The following NKAIN2 variants were observed in gnomAD, a reference collection of about 807,000 sequenced individuals.
NKAIN2 encodes sodium/potassium transporting ATPase interacting 2.
NKAIN2 carries 14 observed loss-of-function variants against 32.6 expected under a neutral mutation model. The ratio of observed to expected loss-of-function variants is 0.43; its 90% CI spans 0.28 to 0.67. NKAIN2 has a LOEUF of 0.67. Ranked by LOEUF, NKAIN2 falls within the 30% of genes least tolerant of loss-of-function variation. NKAIN2 has a pLI of 0.17. For synonymous variants in NKAIN2, 80 were observed against 87.2 expected (o/e 0.92, Z 0.46); for missense variants, 198 against 258.3 (o/e 0.77, Z 1.60).
chr6:124,081,217 A>G (rs542645536), intron 1 of NKAIN2, among the ~76,000 whole-genome samples: 22 of 152,176 alleles, frequency 1.4e-4, no homozygotes, highest in Admixed American at 1.0e-3. Context: ...GTTAATCCTA[A>G]TTTTAGTTAT....
intron 1 of NKAIN2, among the ~76,000 whole-genome samples, chr6:123,812,389 T>C (rs1201132589): frequency 6.6e-6 from 1 of 152,172 alleles, no homozygotes; most frequent in Admixed American, 6.5e-5. Context: ...TTTAAGAATA[T>C]AGAATATTAT....
At chr6:124,451,897 C>T (rs1006837695) in intron 3 of NKAIN2, among the ~76,000 whole-genome samples, 1 of 151,900 alleles carries the variant, frequency 6.6e-6, no homozygotes, top group African/African-American at 2.4e-5. Flanking sequence ...CTCTTAAAAT[C>T]TCTTCAAACC....
chr6:123,867,598 C>T (rs544872460), intron 1 of NKAIN2, among the ~76,000 whole-genome samples: 1 of 152,322 alleles, frequency 6.6e-6, no homozygotes, highest in Non-Finnish European at 1.5e-5. Context: ...AAAATGTTGG[C>T]TATTGCCAAT....
chr6:124,471,772 A>G (rs1486648474), intron 3 of NKAIN2, among the ~76,000 whole-genome samples: 5 of 151,802 alleles, frequency 3.3e-5, no homozygotes, highest in East Asian at 1.9e-4. Flanking sequence ...ATAAACTCAT[A>G]TGTATGTTTT....
At chr6:123,906,285 T>C (rs1036242745) in intron 1 of NKAIN2, among the ~76,000 whole-genome samples, 1 of 149,028 alleles carries the variant, frequency 6.7e-6, no homozygotes, top group African/African-American at 2.5e-5. Flanking sequence ...TTCTTCTACT[T>C]TTTTTTTTTT....
chr6:124,182,365 C>G (rs1311167068), intron 1 of NKAIN2, among the ~76,000 whole-genome samples: 3 of 152,096 alleles, frequency 2.0e-5, no homozygotes, highest in East Asian at 3.9e-4. Flanking sequence ...TTGATAATTA[C>G]AAATATTTTT....
intron 1 of NKAIN2, among the ~76,000 whole-genome samples, chr6:123,947,876 G>A (rs1777143538): frequency 6.6e-6 from 1 of 151,988 alleles, no homozygotes. Context: ...CTGTGTATGT[G>A]TACCCATTAA....
At chr6:124,205,466 G>T (rs1265239379) in intron 1 of NKAIN2, among the ~76,000 whole-genome samples, 1 of 151,290 alleles carries the variant, frequency 6.6e-6, no homozygotes, top group Non-Finnish European at 1.5e-5. Context: ...TTACTCTACT[G>T]GTACCTGAAC....
chr6:124,639,141 T>C (rs1426015757), intron 3 of NKAIN2, among the ~76,000 whole-genome samples: 1 of 152,060 alleles, frequency 6.6e-6, no homozygotes, highest in African/African-American at 2.4e-5. Context: ...GGAAGTAAAT[T>C]AGTACAGCCA....
intron 1 of NKAIN2, among the ~76,000 whole-genome samples, chr6:124,165,591 GT>G (rs1788492091): frequency 1.3e-5 from 2 of 151,394 alleles, no homozygotes; most frequent in African/African-American, 4.8e-5. Context: ...ATATATACAT[GT>G]GCCATGCTGG....
intron 1 of NKAIN2, among the ~76,000 whole-genome samples, chr6:124,231,959 TC>T (rs1204203372): frequency 2.0e-5 from 3 of 152,164 alleles, no homozygotes; most frequent in Non-Finnish European, 4.4e-5. Flanking sequence ...CCCTGTCTTC[TC>T]TATCTTCTTC....
chr6:124,054,240 T>G (rs1264660915), intron 1 of NKAIN2, among the ~76,000 whole-genome samples: 1 of 151,956 alleles, frequency 6.6e-6, no homozygotes, highest in Non-Finnish European at 1.5e-5. Flanking sequence ...AGAACAAAGG[T>G]GGGAGATCAA....
At chr6:124,360,879 G>T (rs1654311398) in intron 3 of NKAIN2, among the ~76,000 whole-genome samples, 1 of 152,292 alleles carries the variant, frequency 6.6e-6, no homozygotes, top group East Asian at 1.9e-4. Context: ...AACCTGAAGT[G>T]TCTGGTAACG....
intron 2 of NKAIN2, among the ~76,000 whole-genome samples, chr6:124,291,735 G>A (rs1795823447): frequency 6.6e-6 from 1 of 152,022 alleles, no homozygotes; most frequent in Non-Finnish European, 1.5e-5. Flanking sequence ...TGTTCATCTT[G>A]TGGTTCTTCC....
In NKAIN2 at chr6:124,469,959, T is replaced by C. The variant is rs117240249; in HGVS notation, c.273+114612T>C. On this transcript the variant is annotated intron_variant, in intron 3 of 6. Coordinates refer to ENST00000368417, the MANE Select transcript of NKAIN2 (RefSeq NM_001040214.3). ...TTGTGCTTCACTTACTTCACCCTGA[T>C]CCAAGTCCTAATGGTGCAAGGATTA... Among the ~76,000 whole-genome samples, 1,454 of 152,250 alleles carry C rather than the reference T, an allele frequency of 9.6e-3. 14 individuals are homozygous for C. The highest frequency in any genetic ancestry group is 0.011 in the Non-Finnish European group (781 of 68,028).
chr6:124,543,457 A>G (rs923492575), intron 3 of NKAIN2, among the ~76,000 whole-genome samples: 17 of 152,324 alleles, frequency 1.1e-4, no homozygotes, highest in African/African-American at 4.1e-4. Flanking sequence ...ACTTCTAAAC[A>G]AAACACACTG....
At chr6:124,563,363 C>T (rs967391552) in intron 3 of NKAIN2, among the ~76,000 whole-genome samples, 1 of 152,158 alleles carries the variant, frequency 6.6e-6, no homozygotes, top group Admixed American at 6.6e-5. Context: ...TAGCACTAAT[C>T]AAATACTTTC....
intron 1 of NKAIN2, among the ~76,000 whole-genome samples, chr6:123,876,041 C>G (rs932930595): frequency 6.6e-6 from 1 of 151,836 alleles, no homozygotes; most frequent in Non-Finnish European, 1.5e-5. Context: ...ATATACACAC[C>G]CAAGTCATTT....
In NKAIN2 at chr6:124,075,301, T is replaced by C. The variant is rs1783645514; in HGVS notation, c.55-207704T>C. On this transcript the variant is annotated intron_variant, in intron 1 of 6. Transcript: ENST00000368417. Reference sequence around the variant, plus strand: ...TTGGGTAGATTTTCATGCAACTATATATGCTATAAAAAGACAACTGCTTCT... The same window carrying C: ...TTGGGTAGATTTTCATGCAACTATACATGCTATAAAAAGACAACTGCTTCT... Among the ~76,000 whole-genome samples, 3 of 152,200 alleles carry C rather than the reference T, an allele frequency of 2.0e-5. No individual in the cohort carries two copies. In the South Asian group the frequency reaches 6.2e-4, roughly 32 times the overall value.
Sources: allele counts gnomAD v4.1 joint callset (sites outside exome capture counted in the v4.1 genomes callset), GRCh38; gene constraint gnomAD v4.1.1; transcripts MANE v1.5; gene names NCBI Gene and HGNC (gene_info 2026-07-23, HGNC 2026-07-21).